VGF: variants seen among roughly 807,000 people sequenced by gnomAD.
The protein encoded by VGF is VGF nerve growth factor inducible, also known as neurosecretory protein VGF.
In VGF, 13 loss-of-function variants were observed where a neutral mutation model predicts 41.1. The ratio of observed to expected loss-of-function variants is 0.32; its 90% CI spans 0.21 to 0.50. The LOEUF (loss-of-function observed/expected upper bound fraction) is 0.50. Ranked by LOEUF, VGF falls within the 20% of genes least tolerant of loss-of-function variation. The pLI is 0.98. For synonymous variants in VGF, 473 were observed against 418.3 expected, an observed-to-expected ratio of 1.13 and a Z score of -1.60; for missense variants, 920 against 882.1, an observed-to-expected ratio of 1.04 and a Z score of -0.54.
Position 101,164,882 on chromosome 7 carries a change from C to CA in VGF, c.-20-20dup, listed in dbSNP as rs780437916. Reference sequence around the variant, plus strand: ...CCGGAGACTGAAAAATAGAAGGGACCAAAAAAAGAGGATTTCTGTAAGAAT... The same window carrying CA: ...CCGGAGACTGAAAAATAGAAGGGACCAAAAAAAAGAGGATTTCTGTAAGAAT... On this transcript the variant is annotated intron_variant, in intron 1 of 1. Transcript: ENST00000249330. 14 of 1,512,926 alleles carry CA rather than the reference C, an allele frequency of 9.3e-6. No homozygotes were observed. The East Asian group carries it at 1.6e-4, about 17-fold the overall frequency. 93.7% of individuals were successfully genotyped at this position (1,512,926 alleles called of 1,614,324 possible).
upstream of VGF, chr7:101,165,674 G>A (rs1797206757): frequency 1.0e-5 from 10 of 984,860 alleles, no homozygotes; most frequent in Middle Eastern, 5.2e-4. Context: ...GAAGCGGGCG[G>A]CCGCCCGGAG....
At chr7:101,168,854 C>T (rs147191161), upstream of VGF, among the ~76,000 whole-genome samples, 35 of 152,300 alleles carry the variant, frequency 2.3e-4, no homozygotes, top group Middle Eastern at 3.4e-3. Context: ...CTCCCCCCAA[C>T]CGGTGACTCA....
chr7:101,168,021 T>G (rs1188465417), upstream of VGF, among the ~76,000 whole-genome samples: 6 of 148,746 alleles, frequency 4.0e-5, no homozygotes, highest in Non-Finnish European at 7.4e-5. Context: ...TTTTTTTTGT[T>G]TTTTTTTTTT....
chr7:101,165,338 G>A (rs1797200830), intron 1 of VGF, 36 bp downstream of exon 1: 2 of 985,820 alleles, frequency 2.0e-6, no homozygotes, highest in South Asian at 4.7e-5. Context: ...ACGGCTGGCT[G>A]CCGAGGGTTT....
chr7:101,165,169 T>G lies in VGF; in HGVS notation c.-21+205A>C, dbSNP rs919417127. The G allele has an allele frequency of 1.3e-5, 14 of 1,058,534 alleles. No homozygotes were observed. In the African/African-American group the frequency reaches 2.3e-4, roughly 18 times the overall value. The allele number at this position is 1,058,534 out of a possible 1,614,324, so 65.6% of individuals were successfully genotyped here. Reference sequence around the variant, plus strand: ...GCAATATGGGGGAAAAAAAAATCTCTGCTCCCTCCCCGTAGGACTCCCCGG... The same window carrying G: ...GCAATATGGGGGAAAAAAAAATCTCGGCTCCCTCCCCGTAGGACTCCCCGG... On this transcript the variant is annotated intron_variant, in intron 1 of 1. Coordinates refer to ENST00000249330, the MANE Select transcript of VGF (RefSeq NM_003378.4).
Position 101,163,362 on chromosome 7 carries a change from G to C in VGF, c.1482C>G (p.Pro494=), listed in dbSNP as rs1413357162. The C allele has an allele frequency of 1.2e-5, 19 of 1,532,112 alleles. No individual in the cohort carries two copies. The Admixed American group carries it at 3.2e-4, about 25-fold the overall frequency. The allele number at this position is 1,532,112 out of a possible 1,614,324, so 94.9% of individuals were successfully genotyped here. A position where few individuals can be genotyped will look rare whatever the true frequency, so the allele number is the denominator to read the frequency against. ...CGTGGGTGGGGGCGGGGGCGGCACG[G>C]GGGGGCGGCACGGGCTCGGGAGGGG... is the stretch of plus-strand genomic sequence containing the variant. ...KNAPPEPVPP[P]RAAPAPTHVR... is the part of the protein sequence containing the mutation. The change falls in exon 2 of 2, where the codon CCC becomes CCG. Residue 494 remains proline, a synonymous_variant. Transcript: ENST00000249330. The surrounding 1 kb of genome is among the most constrained non-coding windows in gnomAD (Gnocchi z 5.0).
At chr7:101,168,414 C>A (rs1484534526), upstream of VGF, among the ~76,000 whole-genome samples, 4 of 152,188 alleles carry the variant, frequency 2.6e-5, no homozygotes, top group African/African-American at 9.7e-5. Context: ...TCACACACTA[C>A]TCGCCTCTAC....
At position 101,163,228 on chromosome 7, in the gene VGF, G is replaced by A; in HGVS notation, c.1616C>T (p.Pro539Leu). 2.0e-6 allele frequency: 3 copies of A among 1,537,832 alleles called. No individual in the cohort carries two copies. The highest frequency in any genetic ancestry group is 1.7e-6 in the Non-Finnish European group (2 of 1,146,572). Reference protein sequence around the residue: ...PWDREEDEVYPPGPYHPFPNY... With the variant: ...PWDREEDEVYLPGPYHPFPNY... ...GGGGAAAGGGTGGTACGGCCCTGGC[G>A]GGTACACCTCGTCCTCCTCCCGATC... is the stretch of plus-strand genomic sequence containing the variant. Residue 539 changes from proline (P) to leucine (L), a missense_variant, in exon 2 of 2, where the codon CCG (proline) becomes CTG (leucine). Pro to Leu is a moderately conservative substitution (Grantham distance 98). Around this residue, in one of 3 missense-constraint regions of VGF, gnomAD observed 257 missense variants for 217.2 expected, o/e 1.18. Coordinates refer to ENST00000249330, the MANE Select transcript of VGF (RefSeq NM_003378.4). The surrounding 1 kb of genome is among the most constrained non-coding windows in gnomAD (Gnocchi z 5.0).
intron 1 of VGF, 151 bp from the exon 2 acceptor site, chr7:101,165,014 A>G (rs1797195642): frequency 7.4e-7 from 1 of 1,359,086 alleles, no homozygotes; most frequent in African/African-American, 1.5e-5. Context: ...GGAGCAAAGG[A>G]GGAAGATGTT....
chr7:101,167,340 GA>G (rs917107679), upstream of VGF, among the ~76,000 whole-genome samples: 5 of 151,040 alleles, frequency 3.3e-5, no homozygotes, highest in Admixed American at 2.6e-4. This position sits in a 1 kb window ranked among gnomAD's most constrained non-coding sequence, Gnocchi z 4.2. Flanking sequence ...GGCTAAAGGA[GA>G]AAAAAAAACT....
Position 101,163,273 on chromosome 7 carries a change from T to C in VGF, c.1571A>G (p.Asn524Ser). ...CCGATCCCAGGGCGGGAGCACCTCG[T>C]TCCAGTCCGGCAGCTCGTCTCGTGC... Reference protein sequence around the residue: ...APARDELPDWNEVLPPWDREE... With the variant: ...APARDELPDWSEVLPPWDREE... The change falls in exon 2 of 2, where the codon AAC becomes AGC. Residue 524 changes from asparagine (N) to serine (S), a missense_variant. Transcript: ENST00000249330. The surrounding 1 kb of genome is among the most constrained non-coding windows in gnomAD (Gnocchi z 5.0). 3 of 1,489,348 alleles carry C rather than the reference T, an allele frequency of 2.0e-6. No homozygotes were observed. The highest frequency in any genetic ancestry group is 2.5e-5 in the East Asian group (1 of 40,030). 92.3% of individuals were successfully genotyped at this position (1,489,348 alleles called of 1,614,324 possible).
Position 101,163,037 on chromosome 7 carries a change from GCTC to G in VGF, c.1804_1806del (p.Glu602del), listed in dbSNP as rs763696635. On this transcript the variant is annotated inframe_deletion, in exon 2 of 2. Coordinates refer to ENST00000249330, the MANE Select transcript of VGF (RefSeq NM_003378.4). This position sits in a 1 kb window ranked among gnomAD's most constrained non-coding sequence, Gnocchi z 5.0. The stretch of plus-strand genomic sequence containing the variant: ...AGCACGTGCTCGATGTAATTCTCCA[GCTC>G]CTCCTGCTCCTGCAGCCGGCGCTCC... 4 of 1,566,532 alleles carry G rather than the reference GCTC, an allele frequency of 2.6e-6. No individual in the cohort carries two copies. The highest frequency in any genetic ancestry group is 2.6e-6 in the Non-Finnish European group (3 of 1,161,406).
upstream of VGF, among the ~76,000 whole-genome samples, chr7:101,169,842 C>T (rs2116717376): frequency 6.6e-6 from 1 of 152,372 alleles, no homozygotes; most frequent in African/African-American, 2.4e-5. Flanking sequence ...CCAGACACCC[C>T]CTGACTCGTA....
rs906297272 is a variant in VGF, at chr7:101,165,033, C to A, written c.-20-170G>T. 4.3e-5 allele frequency: 57 copies of A among 1,314,088 alleles called. No homozygotes were observed. In the African/African-American group the frequency reaches 6.6e-4, roughly 15 times the overall value. 81.4% of individuals were successfully genotyped at this position (1,314,088 alleles called of 1,614,324 possible). On this transcript the variant is annotated intron_variant, in intron 1 of 1. Transcript: ENST00000249330. ...CAAAGGAGGAAGATGTTGTGCCGAT[C>A]TCTGGAGCCGTGTAAATGGGAAAAT...
rs1187828877 is a variant in VGF, at chr7:101,165,430, G to T, written c.-77C>A. 2 of 985,342 alleles carry T rather than the reference G, an allele frequency of 2.0e-6. No homozygotes were observed. Among genetic ancestry groups the T allele is most frequent in the African/African-American group, 3.5e-5 (2 of 57,236 alleles). The allele number at this position is 985,342 out of a possible 1,614,324, so 61.0% of individuals were successfully genotyped here. The stretch of plus-strand genomic sequence containing the variant: ...GAGGGTCGGGGCAGGGTGGGGACAG[G>T]GGAAGATCGGGACGCGTCCGCCTCG... On this transcript the variant is annotated 5_prime_UTR_variant, in exon 1 of 2. Coordinates refer to ENST00000249330, the MANE Select transcript of VGF (RefSeq NM_003378.4).
rs1797147525 is a variant in VGF, at chr7:101,163,316, G to A, written c.1528C>T (p.Pro510Ser). ...TCTCGTGCGGGAGCGGGGGCGGGGG[G>A]CGGGGGCTGCGGGGAGCGGACGTGG... ...PTHVRSPQPPPPAPAPARDEL... is the reference protein window; with the variant it reads ...PTHVRSPQPPSPAPAPARDEL... The change falls in exon 2 of 2, where the codon CCC (proline) becomes TCC (serine). Residue 510 changes from proline to serine, a missense_variant. Physicochemically the swap from Pro to Ser is moderately conservative, Grantham distance 74. Around this residue, in one of 3 missense-constraint regions of VGF, gnomAD observed 257 missense variants for 217.2 expected, o/e 1.18. Transcript: ENST00000249330. This position sits in a 1 kb window ranked among gnomAD's most constrained non-coding sequence, Gnocchi z 5.0. 4.9e-6 allele frequency: 7 copies of A among 1,427,400 alleles called. No homozygotes were observed. In the South Asian group the frequency reaches 5.8e-5, roughly 12 times the overall value. The allele number at this position is 1,427,400 out of a possible 1,614,324, so 88.4% of individuals were successfully genotyped here.
intron 1 of VGF, 198 bp from the exon 2 acceptor site, chr7:101,165,061 C>T: frequency 7.9e-7 from 1 of 1,269,370 alleles, no homozygotes; most frequent in Non-Finnish European, 9.9e-7. Flanking sequence ...GGGAAAATAA[C>T]CCCCGAAGCC....
Position 101,163,082 on chromosome 7 carries a change from C to T in VGF, c.1762G>A (p.Glu588Lys), listed in dbSNP as rs1797137605. 6.3e-7 allele frequency: 1 copy of T among 1,578,876 alleles called. No homozygotes were observed. The highest frequency in any genetic ancestry group is 8.6e-7 in the Non-Finnish European group (1 of 1,166,500). Residue 588 changes from glutamate (E) to lysine (K), a missense_variant, in exon 2 of 2, where the codon GAG (glutamate) becomes AAG (lysine). Transcript: ENST00000249330. The surrounding 1 kb of genome is among the most constrained non-coding windows in gnomAD (Gnocchi z 5.0). ...CGGCGCTCCTCCGCCTCCGCCTCCT[C>T]CTGCGCGCGCCGCGCCTGGGCCTCC... is the stretch of plus-strand genomic sequence containing the variant. The part of the protein sequence containing the change: ...GREAQARRAQ[E>K]EAEAEERRLQ...
At position 101,163,640 on chromosome 7, in the gene VGF, C is replaced by G. The variant is rs766501516; in HGVS notation, c.1204G>C (p.Ala402Pro). The stretch of plus-strand genomic sequence containing the variant: ...TCCTCCTCCTCCGCGAACAGGAGCG[C>G]GTTCTGCCGCGCCCTCTCCGCCTCC... Reference protein sequence around the residue: ...AEEAERARQNALLFAEEEDGE... With the variant: ...AEEAERARQNPLLFAEEEDGE... The change falls in exon 2 of 2, where the codon GCG becomes CCG. Residue 402 changes from alanine (A) to proline (P), a missense_variant. Physicochemically the swap from Ala to Pro is conservative, Grantham distance 27. Transcript: ENST00000249330. This position sits in a 1 kb window ranked among gnomAD's most constrained non-coding sequence, Gnocchi z 5.0. 1 of 1,542,978 alleles carries G rather than the reference C, an allele frequency of 6.5e-7. No homozygotes were observed. Among genetic ancestry groups the G allele is most frequent in the Non-Finnish European group, 8.7e-7 (1 of 1,148,140 alleles).
Sources: allele counts gnomAD v4.1 joint callset (sites outside exome capture counted in the v4.1 genomes callset), GRCh38; gene constraint gnomAD v4.1.1; regional missense constraint gnomAD v4.1.1; non-coding constraint Gnocchi (gnomAD v3.1); transcripts MANE v1.5; gene names NCBI Gene and HGNC (gene_info 2026-07-23, HGNC 2026-07-21).